ZNF821: variants seen among roughly 807,000 people sequenced by gnomAD.
ZNF821 encodes the protein zinc finger protein 821.
Under a neutral mutation model 44.3 loss-of-function variants are expected in ZNF821, and 16 were observed. The observed-to-expected ratio is 0.36, with a 90% CI of 0.24 to 0.55. The LOEUF (loss-of-function observed/expected upper bound fraction) is 0.55. ZNF821 is among the 20% of genes least tolerant of loss of function. The pLI is 0.86. For synonymous variants in ZNF821, 204 were observed against 197.6 expected, an observed-to-expected ratio of 1.03 and a Z score of -0.27; for missense variants, 436 against 547.6, an observed-to-expected ratio of 0.80 and a Z score of 2.03.
At chr16:71,893,602 GGT>G (rs2036906398) in intron 1 of ZNF821, among the ~76,000 whole-genome samples, 1 of 151,646 alleles carries the variant, frequency 6.6e-6, no homozygotes, top group Non-Finnish European at 1.5e-5. Flanking sequence ...TGGGATTACA[GGT>G]GTGTTGCCAC....
intron 3 of ZNF821, 51 bp from the exon 4 acceptor site, chr16:71,868,088 C>T: frequency 1.3e-6 from 2 of 1,515,762 alleles, no homozygotes; most frequent in East Asian, 2.5e-5. Context: ...CAGCATATCC[C>T]CAGGCAAGCT....
rs139384517 is a variant in ZNF821, at chr16:71,889,943, G to A, written n.448+4946C>T. Among the ~76,000 whole-genome samples the A allele has an allele frequency of 1.8e-4, 27 of 152,258 alleles. 1 individual carries two copies. The highest frequency in any genetic ancestry group is 6.3e-4 in the African/African-American group (26 of 41,558). On this transcript the variant is annotated intron_variant and non_coding_transcript_variant, in intron 1 of 2. Transcript: ENST00000561700. The stretch of plus-strand genomic sequence containing the variant: ...TGCACTTCAGCCTGCACAACAGAGC[G>A]AGACCCTGTCTCAGGCAAAACAAAA...
chr16:71,875,559 T>C (rs2035715263), intron 3 of ZNF821, among the ~76,000 whole-genome samples: 2 of 151,944 alleles, frequency 1.3e-5, no homozygotes, highest in African/African-American at 4.8e-5. Context: ...GTTCACACCA[T>C]TCTCCTGCCT....
chr16:71,878,866 T>C (rs572964721), intron 3 of ZNF821, among the ~76,000 whole-genome samples: 1 of 150,444 alleles, frequency 6.6e-6, no homozygotes, highest in Non-Finnish European at 1.5e-5. Context: ...AGGAGGCCGA[T>C]GTTGCAGAGA....
At chr16:71,891,894 G>A (rs1361126851) in intron 1 of ZNF821, among the ~76,000 whole-genome samples, 1 of 151,122 alleles carries the variant, frequency 6.6e-6, no homozygotes, top group Non-Finnish European at 1.5e-5. Context: ...TACTCAGGAG[G>A]CTGAGGCAGC....
At chr16:71,870,162 TACC>T (rs1436375548) in intron 3 of ZNF821, among the ~76,000 whole-genome samples, 1 of 152,192 alleles carries the variant, frequency 6.6e-6, no homozygotes, top group Non-Finnish European at 1.5e-5. Flanking sequence ...ATGGTTCTGA[TACC>T]ACATCATGAG....
In ZNF821 at chr16:71,865,180, T is replaced by A. The variant is rs535989682; in HGVS notation, c.167-132A>T. The stretch of plus-strand genomic sequence containing the variant: ...CCATAATATAGTTTATATAGTTTTG[T>A]TGGGTACATATTATGTCAAGTGGAA... On this transcript the variant is annotated intron_variant, in intron 4 of 7. Coordinates refer to ENST00000425432, the MANE Select transcript of ZNF821 (RefSeq NM_001201552.2). 2.5e-6 allele frequency: 3 copies of A among 1,213,218 alleles called. No homozygotes were observed. In the East Asian group the frequency reaches 7.1e-5, roughly 29 times the overall value. The allele number at this position is 1,213,218 out of a possible 1,614,324, so 75.2% of individuals were successfully genotyped here.
At chr16:71,866,412 T>A (rs1056298340) in intron 4 of ZNF821, among the ~76,000 whole-genome samples, 1 of 152,170 alleles carries the variant, frequency 6.6e-6, no homozygotes, top group African/African-American at 2.4e-5. Flanking sequence ...TGGAAAGAGC[T>A]ATGGTTTGTG....
intron 4 of ZNF821, among the ~76,000 whole-genome samples, chr16:71,867,177 T>A (rs1398484166): frequency 6.6e-6 from 1 of 152,212 alleles, no homozygotes; most frequent in Admixed American, 6.5e-5. Context: ...TGTTTAACAT[T>A]AAAACTGGGC....
intron 1 of ZNF821, chr16:71,891,358 T>C (rs2036884309): frequency 6.6e-6 from 1 of 152,264 alleles, no homozygotes; most frequent in African/African-American, 2.4e-5. Context: ...GTTTAGCTTC[T>C]GAATGAAACT....
intron 3 of ZNF821, among the ~76,000 whole-genome samples, chr16:71,870,294 A>G (rs1425830236): frequency 6.6e-6 from 1 of 152,080 alleles, no homozygotes; most frequent in Non-Finnish European, 1.5e-5. Context: ...AAGGAAAGGA[A>G]AAATAAGCTG....
intron 1 of ZNF821, among the ~76,000 whole-genome samples, chr16:71,889,840 C>G (rs958612265): frequency 1.3e-5 from 2 of 152,098 alleles, no homozygotes; most frequent in African/African-American, 2.4e-5. Flanking sequence ...TGCCTATAGT[C>G]CCAGCTACTC....
At chr16:71,868,589 A>G (rs759915725) in intron 3 of ZNF821, among the ~76,000 whole-genome samples, 3 of 152,192 alleles carry the variant, frequency 2.0e-5, no homozygotes, top group Non-Finnish European at 4.4e-5. Context: ...GACTTTCTTT[A>G]TAATGTTTAT....
Position 71,860,528 on chromosome 16 carries a change from G to C in ZNF821, c.729C>G (p.Ala243=), listed in dbSNP as rs1019766805. ...TCTGGGCTTCCAGCAGTTTACGGTAGGCAGCACAGTTGTTGCACACAAGCA... is the reference window on the plus strand; with the variant it reads ...TCTGGGCTTCCAGCAGTTTACGGTACGCAGCACAGTTGTTGCACACAAGCA... ...GILLVCNNCA[A]YRKLLEAQTP... Residue 243 remains alanine (A), a synonymous_variant, in exon 8 of 8, where the codon GCC becomes GCG. Coordinates refer to ENST00000425432, the MANE Select transcript of ZNF821 (RefSeq NM_001201552.2). This position sits in a 1 kb window ranked among gnomAD's most constrained non-coding sequence, Gnocchi z 7.3. The C allele has an allele frequency of 1.2e-6, 2 of 1,614,156 alleles. No homozygotes were observed. The highest frequency in any genetic ancestry group is 1.7e-6 in the Non-Finnish European group (2 of 1,180,032).
chr16:71,894,982 C>A, exon 1 of ZNF821: 1 of 692,350 alleles, frequency 1.4e-6, no homozygotes, highest in South Asian at 1.7e-5. Flanking sequence ...GTCCAAAGGG[C>A]AACCGGACGG....
chr16:71,889,758 C>T (rs1364177873), upstream of ZNF821, among the ~76,000 whole-genome samples: 1 of 151,920 alleles, frequency 6.6e-6, no homozygotes, highest in South Asian at 2.1e-4. Context: ...AATGCCAGAC[C>T]GGGCAGCATG....
At chr16:71,863,726 CTAACTCTGTCA>C (rs1172828084) in intron 6 of ZNF821, among the ~76,000 whole-genome samples, 5 of 151,790 alleles carry the variant, frequency 3.3e-5, no homozygotes, top group African/African-American at 4.8e-5. Context: ...GAGACAGAGT[CTAACTCTGTCA>C]CCCAGGCTGG....
exon 1 of ZNF821, chr16:71,894,931 A>C: frequency 1.9e-6 from 2 of 1,074,606 alleles, no homozygotes; most frequent in East Asian, 2.6e-5. Flanking sequence ...GGTGCTGAGG[A>C]AACACTACTG....
intron 2 of ZNF821, 160 bp from the exon 3 acceptor site, chr16:71,880,183 T>G: frequency 3.7e-5 from 15 of 405,104 alleles, no homozygotes; most frequent in East Asian, 7.9e-5. Context: ...AATAAATCTC[T>G]AGCCTAACGT....
Sources: allele counts gnomAD v4.1 joint callset (sites outside exome capture counted in the v4.1 genomes callset), GRCh38; gene constraint gnomAD v4.1.1; non-coding constraint Gnocchi (gnomAD v3.1); transcripts MANE v1.5; gene names NCBI Gene and HGNC (gene_info 2026-07-23, HGNC 2026-07-21).